RAP1GAP2: variants seen among roughly 807,000 people sequenced by gnomAD.
RAP1GAP2 encodes the protein rap1 GTPase-activating protein 2.
Under a neutral mutation model 95.0 loss-of-function variants are expected in RAP1GAP2, and 27 were observed. That is an observed-to-expected ratio of 0.28 (90% CI 0.21 to 0.39). The LOEUF (loss-of-function observed/expected upper bound fraction) is 0.39, where lower values mean the gene tolerates loss of function less well. Among genes scored for constraint, RAP1GAP2 ranks in the 10% least tolerant of loss-of-function variants. RAP1GAP2 has a pLI of 1.00. For synonymous variants in RAP1GAP2, 373 were observed against 380.9 expected, an observed-to-expected ratio of 0.98 and a Z score of 0.24; for missense variants, 771 against 970.0, an observed-to-expected ratio of 0.79 and a Z score of 2.72.
chr17:2,789,781 G>GGA (rs369458711), intron 1 of RAP1GAP2, among the ~76,000 whole-genome samples: 6 of 71,996 alleles, frequency 8.3e-5, no homozygotes, highest in East Asian at 8.3e-4. Flanking sequence ...GACTCCATCT[G>GGA]AAAAAAAAAA....
At chr17:2,957,279 G>A (rs923580692) in intron 3 of RAP1GAP2, among the ~76,000 whole-genome samples, 2 of 152,150 alleles carry the variant, frequency 1.3e-5, no homozygotes, top group Admixed American at 1.3e-4. Context: ...GGCATAGCGG[G>A]CCCTCCCCCT....
intron 1 of RAP1GAP2, among the ~76,000 whole-genome samples, chr17:2,785,976 A>T (rs990512874): frequency 7.8e-5 from 11 of 141,470 alleles, no homozygotes; most frequent in Non-Finnish European, 1.5e-5. Flanking sequence ...ATCTCGGCTC[A>T]CCGCAACCTC....
rs373321315 is a variant in RAP1GAP2, at chr17:2,759,329, A to G, written c.50+3562A>G. 2.2e-3 allele frequency among the ~76,000 whole-genome samples: 334 copies of G among 152,144 alleles called. 1 individual carries two copies. The highest frequency in any genetic ancestry group is 7.4e-3 in the African/African-American group (308 of 41,494). ...AGAATCTTGCTCTGTCACCCAGGAT[A>G]GAGTGCAGTGGCTCAATCACAGCTC... On this transcript the variant is annotated intron_variant, in intron 1 of 25. Transcript: ENST00000637138.
chr17:2,834,625 C>T (rs1305529759), intron 2 of RAP1GAP2, among the ~76,000 whole-genome samples: 1 of 152,074 alleles, frequency 6.6e-6, no homozygotes, highest in African/African-American at 2.4e-5. Flanking sequence ...GGCAAAACCC[C>T]ATCTCTACAA....
rs544515161 is a variant in RAP1GAP2, at chr17:2,765,705, T to C, written c.51-4624T>C. Among the ~76,000 whole-genome samples the C allele has an allele frequency of 1.0e-3, 158 of 150,818 alleles. 1 individual carries two copies. Among genetic ancestry groups the C allele is most frequent in the African/African-American group, 3.6e-3 (147 of 40,820 alleles). ...TTGCAGTGAGCTGAGATCGCGCCACTGCACCCCAGACTGGGCGACAGAGGG... is the reference window on the plus strand; with the variant it reads ...TTGCAGTGAGCTGAGATCGCGCCACCGCACCCCAGACTGGGCGACAGAGGG... On this transcript the variant is annotated intron_variant, in intron 1 of 25. Coordinates refer to the RAP1GAP2 transcript ENST00000637138.
intron 2 of RAP1GAP2, among the ~76,000 whole-genome samples, chr17:2,874,017 C>T (rs1402258685): frequency 3.3e-5 from 5 of 151,968 alleles, no homozygotes; most frequent in Non-Finnish European, 7.4e-5. Context: ...CTCAGGTGAT[C>T]CACCCGTCTC....
intron 1 of RAP1GAP2, among the ~76,000 whole-genome samples, chr17:2,766,680 T>C (rs1356550941): frequency 3.9e-5 from 6 of 151,966 alleles, no homozygotes; most frequent in African/African-American, 1.5e-4. Flanking sequence ...AGAGATGCTC[T>C]GTGTCCCTGC....
upstream of RAP1GAP2, among the ~76,000 whole-genome samples, chr17:2,774,180 C>G (rs2068449396): frequency 6.6e-6 from 1 of 152,146 alleles, no homozygotes; most frequent in Non-Finnish European, 1.5e-5. Flanking sequence ...GGAGTAGAAG[C>G]TTGGGTATGG....
chr17:2,989,622 C>T (rs551187833), intron 11 of RAP1GAP2, among the ~76,000 whole-genome samples: 8 of 152,088 alleles, frequency 5.3e-5, no homozygotes, highest in South Asian at 4.1e-4. Context: ...CGTGAGGCAC[C>T]GCGCCCGGCC....
rs1259329411 is a variant in RAP1GAP2 at position 2,903,593 on chromosome 17, C to G, written c.81-1691C>G. Among the ~76,000 whole-genome samples the G allele has an allele frequency of 6.6e-6, 1 of 152,132 alleles. No homozygotes were observed. The highest frequency in any genetic ancestry group is 6.5e-5 in the Admixed American group (1 of 15,272). On this transcript the variant is annotated intron_variant, in intron 2 of 24. Transcript: ENST00000254695. The surrounding 1 kb of genome is among the most constrained non-coding windows in gnomAD (Gnocchi z 4.1). ...AGGCGGGAGAGTCCCCCCTCTCCAG[C>G]CATCAAAACTTACATCAACAAGGTC...
chr17:3,026,909 T>C (rs1597906822), intron 21 of RAP1GAP2, 35 bp from the exon 22 acceptor site: 1 of 1,540,596 alleles, frequency 6.5e-7, no homozygotes, highest in Non-Finnish European at 8.8e-7. Flanking sequence ...CTGCCGAGGG[T>C]GGGCTGGCCT....
At chr17:2,939,114 A>G (rs1366188336) in intron 3 of RAP1GAP2, among the ~76,000 whole-genome samples, 1 of 152,022 alleles carries the variant, frequency 6.6e-6, no homozygotes, top group East Asian at 1.9e-4. Flanking sequence ...TTTTTGAGAC[A>G]GAGTCCTGCT....
rs139852991 is a variant in RAP1GAP2, at chr17:2,858,620, A to G, written c.81-46664A>G. On this transcript the variant is annotated intron_variant, in intron 2 of 24. Transcript: ENST00000254695. The stretch of plus-strand genomic sequence containing the variant: ...TTCAATTTGTATCTTAAAGATAAGA[A>G]TTCTTGGCCAGGCACGGTGGCTCAC... Among the ~76,000 whole-genome samples, 677 of 152,220 alleles carry G rather than the reference A, an allele frequency of 4.4e-3. 7 individuals carry two copies. Among genetic ancestry groups the G allele is most frequent in the Middle Eastern group, 0.017 (5 of 294 alleles).
intron 16 of RAP1GAP2, 127 bp from the exon 17 acceptor site, chr17:3,007,884 C>G (rs956997765): frequency 4.7e-5 from 55 of 1,163,558 alleles, no homozygotes; most frequent in Non-Finnish European, 6.2e-5. Flanking sequence ...AGCAGTAGGT[C>G]CACACCGTTG....
chr17:2,786,050 T>C (rs1455837671), intron 1 of RAP1GAP2, among the ~76,000 whole-genome samples: 2 of 152,076 alleles, frequency 1.3e-5, no homozygotes. Context: ...TACAGGCATG[T>C]GCCACCATGC....
intron 8 of RAP1GAP2, among the ~76,000 whole-genome samples, chr17:2,967,460 C>G (rs1364182454): frequency 6.6e-6 from 1 of 152,146 alleles, no homozygotes; most frequent in Admixed American, 6.5e-5. Flanking sequence ...TAGAAGAATC[C>G]TGTCCTCTTT....
intron 2 of RAP1GAP2, among the ~76,000 whole-genome samples, chr17:2,880,990 G>A (rs2073263750): frequency 1.3e-5 from 2 of 152,034 alleles, no homozygotes; most frequent in Admixed American, 6.6e-5. Flanking sequence ...AGCCATGTGT[G>A]GTGATACATG....
intron 3 of RAP1GAP2, among the ~76,000 whole-genome samples, chr17:2,918,997 A>T (rs7214883): frequency 6.6e-6 from 1 of 152,056 alleles, no homozygotes; most frequent in Admixed American, 6.6e-5. Flanking sequence ...GAGACCATCT[A>T]GGGGGAAGTA....
In RAP1GAP2 at chr17:3,006,061, A is replaced by G. The variant is rs768505902; in HGVS notation, c.1359+20A>G. 1 of 1,602,414 alleles carries G rather than the reference A, an allele frequency of 6.2e-7. No individual in the cohort carries two copies. Among genetic ancestry groups the G allele is most frequent in the Non-Finnish European group, 8.5e-7 (1 of 1,172,056 alleles). ...CTGGAGGTGAGAGTGTGGTTTCTGA[A>G]GGTCTCCCTCCTGACTGCTGGGCCA... On this transcript the variant is annotated intron_variant, in intron 16 of 24. Coordinates refer to ENST00000254695, the MANE Select transcript of RAP1GAP2 (RefSeq NM_015085.5).
Sources: gnomAD v4.1 joint callset for allele counts (sites outside exome capture counted in the v4.1 genomes callset) on GRCh38, gnomAD v4.1.1 for gene constraint, Gnocchi (gnomAD v3.1) non-coding constraint, MANE v1.5 for transcripts, NCBI Gene and HGNC (gene_info 2026-07-23, HGNC 2026-07-21) for gene names.